The following RGS6 variants were observed in gnomAD, a reference collection of about 807,000 sequenced individuals.
RGS6 encodes regulator of G protein signaling 6, also known as regulator of G-protein signaling 6.
RGS6 carries 30 observed loss-of-function variants against 78.5 expected under a neutral mutation model. That is an observed-to-expected ratio of 0.38 (90% CI 0.29 to 0.52). The LOEUF is 0.52. RGS6 is among the 20% of genes least tolerant of loss of function. The pLI is 0.85. For synonymous variants in RGS6, 206 were observed against 206.0 expected, an observed-to-expected ratio of 1.00 and a Z score of 0.00; for missense variants, 495 against 609.7, an observed-to-expected ratio of 0.81 and a Z score of 1.98.
At chr14:72,436,363 C>T (rs2094914177) in intron 3 of RGS6, among the ~76,000 whole-genome samples, 1 of 152,104 alleles carries the variant, frequency 6.6e-6, no homozygotes, top group Non-Finnish European at 1.5e-5. Flanking sequence ...TTCTCTCAGC[C>T]TACTACCCTG....
At chr14:71,934,588 G>A (rs2088663816) in intron 1 of RGS6, among the ~76,000 whole-genome samples, 1 of 152,150 alleles carries the variant, frequency 6.6e-6, no homozygotes, top group Non-Finnish European at 1.5e-5. Flanking sequence ...TGCTTTTGTG[G>A]CAGAAATGTT....
chr14:71,923,622 C>G, the RGS6 span, among the ~76,000 whole-genome samples: 13 of 152,228 alleles, frequency 8.5e-5, 1 homozygote, highest in South Asian at 2.7e-3. Flanking sequence ...GTATGAACTG[C>G]TGATACGTGC....
intron 2 of RGS6, among the ~76,000 whole-genome samples, chr14:72,127,044 G>A (rs150467714): frequency 6.6e-6 from 1 of 152,212 alleles, no homozygotes; most frequent in East Asian, 1.9e-4. Flanking sequence ...TTATTACAAA[G>A]CACCCAAGTT....
chr14:72,129,055 C>G (rs936901805), intron 2 of RGS6, among the ~76,000 whole-genome samples: 9 of 152,056 alleles, frequency 5.9e-5, no homozygotes, highest in South Asian at 2.1e-4. Context: ...TCCTATCGAT[C>G]GTTTAGAAAT....
At chr14:72,304,654 G>T (rs2066835503) in intron 2 of RGS6, among the ~76,000 whole-genome samples, 1 of 152,096 alleles carries the variant, frequency 6.6e-6, no homozygotes. Context: ...AGGCGGGAGT[G>T]GATCACCTGA....
At chr14:72,363,988 G>A (rs2081983234) in intron 3 of RGS6, among the ~76,000 whole-genome samples, 2 of 107,642 alleles carry the variant, frequency 1.9e-5, no homozygotes, top group Admixed American at 2.1e-4. Flanking sequence ...TCACTTGTCA[G>A]TGGACAAGGC....
At chr14:71,885,212 AAAAC>A in the RGS6 span, among the ~76,000 whole-genome samples, 5 of 152,210 alleles carry the variant, frequency 3.3e-5, no homozygotes, top group Non-Finnish European at 5.9e-5. Context: ...AACACTAAAC[AAAAC>A]AAACAAAACC....
At chr14:72,540,534 A>G (rs1555462876) in intron 17 of RGS6, 1 of 1,574,790 alleles carries the variant, frequency 6.4e-7, no homozygotes, top group Non-Finnish European at 8.6e-7. Context: ...GAACCCTGGC[A>G]GTCACGCCGG....
intron 2 of RGS6, among the ~76,000 whole-genome samples, chr14:72,154,995 A>G (rs2096750054): frequency 6.6e-6 from 1 of 152,248 alleles, no homozygotes; most frequent in South Asian, 2.1e-4. Flanking sequence ...AGTCCTCCGT[A>G]TGAAGGTGAT....
chr14:72,545,057 A>C (rs1005482085), intron 17 of RGS6, among the ~76,000 whole-genome samples: 4 of 152,234 alleles, frequency 2.6e-5, no homozygotes, highest in African/African-American at 9.6e-5. Context: ...GAGTTCCCAA[A>C]TACCTAGACT....
At chr14:72,148,129 TAA>T (rs35367140) in intron 2 of RGS6, among the ~76,000 whole-genome samples, 37,552 of 66,994 alleles carry the variant, frequency 0.56, 9,448 homozygotes, top group Middle Eastern at 0.61. Context: ...AGACTCCATC[TAA>T]AAAAAAAAAA....
intron 2 of RGS6, among the ~76,000 whole-genome samples, chr14:71,976,170 A>G (rs1287800289): frequency 6.6e-6 from 1 of 150,990 alleles, no homozygotes; most frequent in African/African-American, 2.4e-5. Flanking sequence ...GATACTTTAA[A>G]GTCTTTATCA....
chr14:72,204,262 A>G (rs1200116069), intron 2 of RGS6, among the ~76,000 whole-genome samples: 1 of 152,040 alleles, frequency 6.6e-6, no homozygotes, highest in Non-Finnish European at 1.5e-5. Flanking sequence ...TTGCAACCTA[A>G]TCTCAGAAGC....
the RGS6 span, among the ~76,000 whole-genome samples, chr14:71,890,610 G>A: frequency 2.0e-5 from 3 of 152,178 alleles, no homozygotes; most frequent in Non-Finnish European, 4.4e-5. Context: ...TTCTAGGGCT[G>A]CCTGCAGATT....
At chr14:72,098,938 C>T (rs1208347167) in intron 2 of RGS6, among the ~76,000 whole-genome samples, 2 of 152,120 alleles carry the variant, frequency 1.3e-5, no homozygotes, top group Non-Finnish European at 1.5e-5. Flanking sequence ...AACTTCTGTG[C>T]GGATTTCTTT....
chr14:72,576,015 G>T, the RGS6 span, among the ~76,000 whole-genome samples: 1 of 152,174 alleles, frequency 6.6e-6, no homozygotes, highest in Non-Finnish European at 1.5e-5. Flanking sequence ...TTGTAGAACT[G>T]CCTCACAAGC....
intron 2 of RGS6, among the ~76,000 whole-genome samples, chr14:72,008,185 G>A (rs1481314469): frequency 6.6e-6 from 1 of 152,196 alleles, no homozygotes; most frequent in African/African-American, 2.4e-5. Context: ...GAGTTGGAGT[G>A]TCTATGGCAG....
In RGS6 at chr14:72,242,211, AC is replaced by A. The variant is rs2053047468; in HGVS notation, c.85-109883del. Reference sequence around the variant, plus strand: ...AGATAAGGGTTTATATACCAACTTAACAAAGGTGAAGGGGGCAATTAGGGAT... The same window carrying A: ...AGATAAGGGTTTATATACCAACTTAAAAAGGTGAAGGGGGCAATTAGGGAT... On this transcript the variant is annotated intron_variant, in intron 2 of 17. Coordinates refer to ENST00000553525, the MANE Select transcript of RGS6 (RefSeq NM_001204424.2). 2.6e-5 allele frequency among the ~76,000 whole-genome samples: 4 copies of A among 152,300 alleles called. No individual in the cohort carries two copies. The South Asian group carries it at 8.3e-4, about 32-fold the overall frequency.
chr14:72,581,313 CCCT>C, the RGS6 span, among the ~76,000 whole-genome samples: 1 of 151,978 alleles, frequency 6.6e-6, no homozygotes, highest in Non-Finnish European at 1.5e-5. Context: ...CTCATTTTTT[CCCT>C]CATCTGCCTC....
Sources: gnomAD v4.1 joint callset for allele counts (sites outside exome capture counted in the v4.1 genomes callset) on GRCh38, gnomAD v4.1.1 for gene constraint, MANE v1.5 for transcripts, NCBI Gene and HGNC (gene_info 2026-07-23, HGNC 2026-07-21) for gene names.